Variants in ATE1 observed in about 807,000 individuals in gnomAD.
The protein encoded by ATE1 is arginyl-tRNA--protein transferase 1.
ATE1 carries 36 observed loss-of-function variants against 70.5 expected under a neutral mutation model. The ratio of observed to expected loss-of-function variants is 0.51; its 90% confidence interval spans 0.39 to 0.67. ATE1 has a LOEUF of 0.67. ATE1 is among the 30% of genes least tolerant of loss of function. The pLI is 0.00. For synonymous variants in ATE1, 232 were observed against 219.3 expected (o/e 1.06, Z -0.51); for missense variants, 593 against 629.5 (o/e 0.94, Z 0.62).
chr10:121,918,518 G>A (rs1289037095), intron 3 of ATE1, among the ~76,000 whole-genome samples: 2 of 152,138 alleles, frequency 1.3e-5, no homozygotes, highest in Admixed American at 6.5e-5. Context: ...ATACAATTTA[G>A]ATTCTTTTTT....
intron 6 of ATE1, among the ~76,000 whole-genome samples, chr10:121,900,750 A>C (rs763331334): frequency 6.6e-6 from 1 of 152,232 alleles, no homozygotes; most frequent in Non-Finnish European, 1.5e-5. Flanking sequence ...ACCCAGTGGT[A>C]AAAGATCTCT....
rs145591215 is a variant in ATE1 at position 121,855,276 on chromosome 10, A to G, written c.976-14013T>C. Among the ~76,000 whole-genome samples the G allele has an allele frequency of 2.1e-3, 324 of 152,338 alleles. 1 individual carries two copies. Among genetic ancestry groups the G allele is most frequent in the African/African-American group, 7.6e-3 (314 of 41,568 alleles). ...CAAATAATTCCATGTACTACCTCAGATGACAAGACTGAAACATGGTGCACT... is the reference window on the plus strand; with the variant it reads ...CAAATAATTCCATGTACTACCTCAGGTGACAAGACTGAAACATGGTGCACT... On this transcript the variant is annotated intron_variant, in intron 8 of 11. Coordinates refer to ENST00000224652, the MANE Select transcript of ATE1 (RefSeq NM_001001976.3).
intron 6 of ATE1, among the ~76,000 whole-genome samples, chr10:121,901,745 C>T (rs1284176905): frequency 6.6e-6 from 1 of 152,140 alleles, no homozygotes; most frequent in African/African-American, 2.4e-5. Context: ...TGTGAGCCAC[C>T]ACATCCAGCC....
intron 10 of ATE1, among the ~76,000 whole-genome samples, chr10:121,829,239 A>G (rs1033819704): frequency 1.3e-5 from 2 of 152,180 alleles, no homozygotes; most frequent in South Asian, 2.1e-4. Context: ...CCTGGCCAAC[A>G]TAGTAAAACC....
intron 11 of ATE1, among the ~76,000 whole-genome samples, chr10:121,764,582 A>G (rs939409249): frequency 1.3e-5 from 2 of 152,196 alleles, no homozygotes; most frequent in Admixed American, 6.5e-5. Context: ...AAACCACAGA[A>G]TATTTTTGGT....
At chr10:121,749,196 G>T (rs919509327) in intron 11 of ATE1, among the ~76,000 whole-genome samples, 3 of 151,884 alleles carry the variant, frequency 2.0e-5, no homozygotes, top group Admixed American at 6.6e-5. Context: ...CAATACACCA[G>T]GTTCTAACAT....
chr10:121,907,234 C>T (rs1489659417), intron 5 of ATE1, among the ~76,000 whole-genome samples: 1 of 151,946 alleles, frequency 6.6e-6, no homozygotes, highest in Admixed American at 6.6e-5. Flanking sequence ...GCAGGTGGAT[C>T]ACTTGAGGCC....
intron 11 of ATE1, among the ~76,000 whole-genome samples, chr10:121,788,086 T>C (rs1179983791): frequency 6.6e-6 from 1 of 152,210 alleles, no homozygotes; most frequent in Non-Finnish European, 1.5e-5. Context: ...GCAGTTTTCA[T>C]CATAGGGACT....
chr10:121,822,783 T>A (rs1947851862), intron 10 of ATE1, among the ~76,000 whole-genome samples: 1 of 152,144 alleles, frequency 6.6e-6, no homozygotes, highest in Admixed American at 6.5e-5. Context: ...ACTGAGTACC[T>A]TATTTGCCAA....
intron 10 of ATE1, among the ~76,000 whole-genome samples, chr10:121,791,952 G>T (rs1026846366): frequency 6.6e-6 from 1 of 152,176 alleles, no homozygotes; most frequent in South Asian, 2.1e-4. Context: ...GGTGCTGTGT[G>T]AGTCACCATA....
chr10:121,905,933 G>A (rs1413596575), intron 5 of ATE1, among the ~76,000 whole-genome samples: 1 of 152,058 alleles, frequency 6.6e-6, no homozygotes, highest in Non-Finnish European at 1.5e-5. Flanking sequence ...AATGAAAATA[G>A]ATCATCAGTG....
chr10:121,891,981 T>C (rs1474969020), intron 7 of ATE1, among the ~76,000 whole-genome samples: 1 of 152,178 alleles, frequency 6.6e-6, no homozygotes, highest in Admixed American at 6.5e-5. Flanking sequence ...CTTTCTGCAT[T>C]AGAGCAGAAA....
Position 121,841,141 on chromosome 10 carries a change from C to T in ATE1, c.1098G>A (p.Val366=), listed in dbSNP as rs1436177975. ...IDILPNCVSS[V]YLYYDPDYSF... is the part of the protein sequence containing the mutation. ...AATAATCAGGATCGTAGTACAAATA[C>T]ACAGATGATACACAGTTTGGGAGGA... Residue 366 remains valine (V), a synonymous_variant, in exon 9 of 12, where the codon GTG becomes GTA. Transcript: ENST00000224652. 6 of 1,593,712 alleles carry T rather than the reference C, an allele frequency of 3.8e-6. No individual in the cohort carries two copies. Among genetic ancestry groups the T allele is most frequent in the Non-Finnish European group, 5.1e-6 (6 of 1,167,430 alleles).
In ATE1 at chr10:121,743,807, C is replaced by T. The variant is rs774946938; in HGVS notation, c.1430G>A (p.Arg477Lys). ...EPDRLQVFHK[R>K]AIMPYGVYKK... ...ATAAACACCGTAAGGCATGATGGCT[C>T]TCTTGTGAAACACCTGCAATCGGTC... Residue 477 changes from arginine to lysine, a missense_variant, in exon 12 of 12, where the codon AGA (arginine) becomes AAA (lysine). Arg to Lys is a conservative substitution (Grantham distance 26). Coordinates refer to ENST00000224652, the MANE Select transcript of ATE1 (RefSeq NM_001001976.3). The T allele has an allele frequency of 6.2e-7, 1 of 1,613,856 alleles. No homozygotes were observed. Among genetic ancestry groups the T allele is most frequent in the South Asian group, 1.1e-5 (1 of 91,064 alleles).
chr10:121,878,461 T>C (rs1950127717), intron 7 of ATE1, among the ~76,000 whole-genome samples: 1 of 151,792 alleles, frequency 6.6e-6, no homozygotes, highest in South Asian at 2.1e-4. Flanking sequence ...GCCATGGTGG[T>C]GCACACCTAT....
At chr10:121,799,400 AAT>A (rs1243454816) in intron 10 of ATE1, among the ~76,000 whole-genome samples, 2 of 152,106 alleles carry the variant, frequency 1.3e-5, no homozygotes, top group African/African-American at 4.8e-5. Context: ...TCCCTCCTGC[AAT>A]ATGTCTTACA....
In ATE1 at chr10:121,760,689, A is replaced by T. The variant is rs192516115; in HGVS notation, c.1379-16831T>A. On this transcript the variant is annotated intron_variant, in intron 11 of 11. Transcript: ENST00000224652. ...AATATGGTTGAAATGACAACAAAAAACTTAAAGAACATTAGACAAACTTAG... is the reference window on the plus strand; with the variant it reads ...AATATGGTTGAAATGACAACAAAAATCTTAAAGAACATTAGACAAACTTAG... 4.5e-4 allele frequency among the ~76,000 whole-genome samples: 69 copies of T among 151,986 alleles called. 2 individuals carry two copies. In the East Asian group the frequency reaches 0.011, roughly 25 times the overall value.
chr10:121,805,688 A>G (rs1947068146), intron 10 of ATE1, among the ~76,000 whole-genome samples: 2 of 152,374 alleles, frequency 1.3e-5, no homozygotes, highest in East Asian at 1.9e-4. Context: ...ATACATATTT[A>G]TATTTTAAAT....
chr10:121,817,694 G>C (rs1209360091), intron 10 of ATE1, among the ~76,000 whole-genome samples: 1 of 152,128 alleles, frequency 6.6e-6, no homozygotes, highest in Non-Finnish European at 1.5e-5. Flanking sequence ...ATCAAGGAGA[G>C]TCAGGCAACC....
Sources: gnomAD v4.1 joint callset for allele counts (sites outside exome capture counted in the v4.1 genomes callset) on GRCh38, gnomAD v4.1.1 for gene constraint, MANE v1.5 for transcripts, NCBI Gene and HGNC (gene_info 2026-07-23, HGNC 2026-07-21) for gene names.